The following ANLN variants were observed in gnomAD, a reference collection of about 807,000 sequenced individuals.
ANLN encodes anillin.
Under a neutral mutation model 135.1 loss-of-function variants are expected in ANLN, and 59 were observed. The ratio of observed to expected loss-of-function variants is 0.44; its 90% CI spans 0.35 to 0.54. The LOEUF is 0.54. Among genes scored for constraint, ANLN ranks in the 20% least tolerant of loss-of-function variants. The probability of loss-of-function intolerance (pLI) is 0.00; values close to 1 mark genes in which losing one functional copy is unlikely to be tolerated. For synonymous variants in ANLN, 406 were observed against 456.4 expected (o/e 0.89, Z 1.41); for missense variants, 1,182 against 1,340.0 (o/e 0.88, Z 1.84).
intron 2 of ANLN, among the ~76,000 whole-genome samples, chr7:36,397,431 C>T (rs1234848905): frequency 6.6e-6 from 1 of 152,022 alleles, no homozygotes; most frequent in Non-Finnish European, 1.5e-5. Flanking sequence ...AACTACATTT[C>T]GATGTTTAGG....
chr7:36,417,311 G>A, intron 9 of ANLN, 121 bp downstream of exon 9: 1 of 609,952 alleles, frequency 1.6e-6, no homozygotes, highest in South Asian at 2.5e-5. Context: ...AGAATACACT[G>A]TAGCTTCTAC....
At chr7:36,405,499 T>C (rs1787149847) in intron 3 of ANLN, among the ~76,000 whole-genome samples, 1 of 152,172 alleles carries the variant, frequency 6.6e-6, no homozygotes, top group Non-Finnish European at 1.5e-5. Context: ...TTGATTGAAT[T>C]TGTGGAGTAG....
In ANLN at chr7:36,415,755, C is replaced by T. The variant is rs772883083; in HGVS notation, c.1396-3C>T. ...AAATTTACTTTTCATTCGCTTTTTG[C>T]AGGAAACTCACTGTCAGAGCACTCC... On this transcript the variant is annotated splice_polypyrimidine_tract_variant and splice_region_variant and intron_variant, in intron 7 of 23. Transcript: ENST00000265748. 16 of 1,571,010 alleles carry T rather than the reference C, an allele frequency of 1.0e-5. No homozygotes were observed. The Admixed American group carries it at 2.1e-4, about 20-fold the overall frequency.
intron 20 of ANLN, among the ~76,000 whole-genome samples, chr7:36,435,975 G>T (rs1204042460): frequency 7.0e-6 from 1 of 142,174 alleles, no homozygotes. Context: ...TGAAATTCAT[G>T]TAACCAAAGT....
Position 36,419,368 on chromosome 7 carries a change from G to A in ANLN, c.1758G>A (p.Glu586=), listed in dbSNP as rs1244352694. 7 of 1,614,116 alleles carry A rather than the reference G, an allele frequency of 4.3e-6. No individual in the cohort carries two copies. Among genetic ancestry groups the A allele is most frequent in the Non-Finnish European group, 5.9e-6 (7 of 1,179,992 alleles). The change falls in exon 10 of 24, where the codon GAG becomes GAA. Residue 586 remains glutamate, a synonymous_variant. Coordinates refer to ENST00000265748, the MANE Select transcript of ANLN (RefSeq NM_018685.5). ...GELDMEKSQE[E]MDQALAESSE... ...TAGATATGGAGAAGAGCCAAGAGGA[G>A]ATGGATCAAGCATTAGCAGAAAGCA... is the stretch of plus-strand genomic sequence containing the variant.
chr7:36,443,068 G>A (rs962432162), intron 21 of ANLN, among the ~76,000 whole-genome samples: 1 of 152,086 alleles, frequency 6.6e-6, no homozygotes, highest in Non-Finnish European at 1.5e-5. Context: ...AAGTGCTTCC[G>A]TGGAACAAAA....
chr7:36,410,975 TGCAAACAAG>T (rs1489984385), intron 6 of ANLN, 75 bp from the exon 7 acceptor site: 1 of 1,315,146 alleles, frequency 7.6e-7, no homozygotes, highest in Non-Finnish European at 1.0e-6. Context: ...AGTTTAAAAC[TGCAAACAAG>T]GAAAATTTTA....
At chr7:36,428,450 TTTTG>T in intron 20 of ANLN, 3 of 642,294 alleles carry the variant, frequency 4.7e-6, no homozygotes, top group Non-Finnish European at 7.0e-6. Flanking sequence ...CTAACTATCT[TTTTG>T]TTTACTTTGA....
chr7:36,417,464 A>T (rs1197603664), intron 9 of ANLN, among the ~76,000 whole-genome samples: 1 of 151,362 alleles, frequency 6.6e-6, no homozygotes, highest in South Asian at 2.1e-4. Flanking sequence ...TCAGGGAAAA[A>T]CTCTCTGGGA....
At chr7:36,426,801 GT>G (rs373371975) in intron 19 of ANLN, 114 bp from the exon 20 acceptor site, 23 of 509,274 alleles carry the variant, frequency 4.5e-5, no homozygotes, top group Admixed American at 2.0e-4. Flanking sequence ...AAATGAGGCA[GT>G]TTTTTTTTCT....
chr7:36,439,739 C>G (rs942837570), intron 21 of ANLN, among the ~76,000 whole-genome samples: 1 of 152,074 alleles, frequency 6.6e-6, no homozygotes, highest in African/African-American at 2.4e-5. Context: ...GTCACTCCTA[C>G]CCAAAGAAAA....
Position 36,439,217 on chromosome 7 carries a change from C to T in ANLN, c.2897C>T (p.Ser966Phe). 6.3e-7 allele frequency: 1 copy of T among 1,587,188 alleles called. No individual in the cohort carries two copies. Among genetic ancestry groups the T allele is most frequent in the Non-Finnish European group, 8.6e-7 (1 of 1,163,052 alleles). The change falls in exon 21 of 24, where the codon TCT (serine) becomes TTT (phenylalanine). Residue 966 changes from serine (S) to phenylalanine (F), a missense_variant. Ser to Phe is a radical substitution (Grantham distance 155). Coordinates refer to ENST00000265748, the MANE Select transcript of ANLN (RefSeq NM_018685.5). Reference sequence around the variant, plus strand: ...TTTTCTTTGCAGGTCCCCTTTTTATCTTCTTTGGAAGGTCATATTTATTTA... The same window carrying T: ...TTTTCTTTGCAGGTCCCCTTTTTATTTTCTTTGGAAGGTCATATTTATTTA... ...KFVLDKVPFL[S>F]SLEGHIYLKI...
chr7:36,403,269 C>T (rs1232293026), intron 3 of ANLN, among the ~76,000 whole-genome samples: 2 of 152,090 alleles, frequency 1.3e-5, no homozygotes, highest in African/African-American at 2.4e-5. Flanking sequence ...AGGTCAGATT[C>T]CTGGCCTCAG....
intron 20 of ANLN, among the ~76,000 whole-genome samples, chr7:36,435,418 G>A (rs984077607): frequency 6.6e-6 from 1 of 151,722 alleles, no homozygotes; most frequent in Non-Finnish European, 1.5e-5. Context: ...GCCCAGGCTG[G>A]TCTTGAACTC....
At chr7:36,408,605 T>C (rs148328828) in intron 5 of ANLN, among the ~76,000 whole-genome samples, 42 of 152,332 alleles carry the variant, frequency 2.8e-4, no homozygotes, top group African/African-American at 9.4e-4. Context: ...TTGTAGCTAT[T>C]TTGAAGTATA....
intron 7 of ANLN, among the ~76,000 whole-genome samples, chr7:36,411,629 A>G (rs539295552): frequency 6.6e-6 from 1 of 152,296 alleles, no homozygotes; most frequent in East Asian, 1.9e-4. Flanking sequence ...AATCTCTACA[A>G]TGTAAGCTGT....
intron 17 of ANLN, among the ~76,000 whole-genome samples, chr7:36,424,951 C>T (rs1243780653): frequency 2.0e-5 from 3 of 152,118 alleles, no homozygotes; most frequent in African/African-American, 4.8e-5. Context: ...CTGATACACT[C>T]GGGCTAGATA....
At chr7:36,449,985 T>G in intron 23 of ANLN, 148 bp downstream of exon 23, 2 of 644,082 alleles carry the variant, frequency 3.1e-6, no homozygotes, top group East Asian at 5.8e-5. Context: ...AAGCAGTAAG[T>G]GAACCATCTA....
At chr7:36,425,513 C>T (rs1012323577) in intron 17 of ANLN, among the ~76,000 whole-genome samples, 189 bp from the exon 18 acceptor site, 4 of 152,084 alleles carry the variant, frequency 2.6e-5, no homozygotes, top group Admixed American at 2.0e-4. Context: ...CAAGGGTGGT[C>T]TCAATCTCTT....
Sources: allele counts gnomAD v4.1 joint callset (sites outside exome capture counted in the v4.1 genomes callset), GRCh38; gene constraint gnomAD v4.1.1; transcripts MANE v1.5; gene names NCBI Gene and HGNC (gene_info 2026-07-23, HGNC 2026-07-21).